The following EYA4 variants were observed in gnomAD, a reference collection of about 807,000 sequenced individuals.
EYA4 encodes protein phosphatase EYA4.
A neutral mutation model predicts 87.9 loss-of-function variants in EYA4; 31 were observed. The ratio of observed to expected loss-of-function variants is 0.35; its 90% CI spans 0.27 to 0.48. EYA4 has a LOEUF of 0.48. Ranked by LOEUF, EYA4 falls within the 20% of genes least tolerant of loss-of-function variation. The pLI is 0.99. For synonymous variants in EYA4, 263 were observed against 270.6 expected, an observed-to-expected ratio of 0.97 and a Z score of 0.28; for missense variants, 678 against 761.4, an observed-to-expected ratio of 0.89 and a Z score of 1.29.
At chr6:133,375,681 A>G (rs1170246162) in intron 2 of EYA4, among the ~76,000 whole-genome samples, 3 of 151,936 alleles carry the variant, frequency 2.0e-5, no homozygotes, top group Admixed American at 6.6e-5. Context: ...ATTGAGATGC[A>G]TTAAATAAGA....
chr6:133,431,948 GA>G (rs746028474), intron 3 of EYA4, among the ~76,000 whole-genome samples: 1 of 51,592 alleles, frequency 1.9e-5, no homozygotes, highest in Non-Finnish European at 3.9e-5. Flanking sequence ...CCATTTTCTT[GA>G]TTTTTTTTTT....
chr6:133,280,930 T>A (rs141827068), intron 2 of EYA4, among the ~76,000 whole-genome samples: 26 of 152,266 alleles, frequency 1.7e-4, no homozygotes, highest in African/African-American at 6.3e-4. Context: ...CTCTATGGAT[T>A]TGCCTATTCT....
At chr6:133,400,208 C>A (rs982856937) in intron 3 of EYA4, among the ~76,000 whole-genome samples, 1 of 152,086 alleles carries the variant, frequency 6.6e-6, no homozygotes, top group East Asian at 1.9e-4. Flanking sequence ...GATACAGATG[C>A]GAGTTAGAAA....
At chr6:133,378,191 A>G (rs1785869094) in intron 2 of EYA4, among the ~76,000 whole-genome samples, 1 of 152,136 alleles carries the variant, frequency 6.6e-6, no homozygotes, top group African/African-American at 2.4e-5. Flanking sequence ...CAACTGGCAA[A>G]TGTAGCATAG....
intron 1 of EYA4, among the ~76,000 whole-genome samples, chr6:133,257,906 C>T (rs1011586316): frequency 1.3e-5 from 2 of 152,156 alleles, no homozygotes; most frequent in African/African-American, 4.8e-5. Context: ...TGCACTCATT[C>T]ACTCATTCAT....
chr6:133,241,030 G>A (rs935394594), upstream of EYA4, among the ~76,000 whole-genome samples: 34 of 152,014 alleles, frequency 2.2e-4, no homozygotes, highest in African/African-American at 7.7e-4. Flanking sequence ...CGCTCGAGTC[G>A]GCCCGGGTGG....
intron 6 of EYA4, among the ~76,000 whole-genome samples, chr6:133,459,314 T>C (rs1299751350): frequency 6.6e-6 from 1 of 152,136 alleles, no homozygotes; most frequent in Non-Finnish European, 1.5e-5. Flanking sequence ...TGTTTAGATT[T>C]ATCATTAGAA....
chr6:133,406,077 A>G (rs1788681908), intron 3 of EYA4, among the ~76,000 whole-genome samples: 1 of 152,152 alleles, frequency 6.6e-6, no homozygotes, highest in African/African-American at 2.4e-5. Context: ...ACATTGTATC[A>G]GATTACTTTA....
chr6:133,497,728 A>T (rs888823211), intron 13 of EYA4, among the ~76,000 whole-genome samples: 7 of 152,156 alleles, frequency 4.6e-5, no homozygotes, highest in Non-Finnish European at 7.3e-5. Flanking sequence ...GGGAGGGTGA[A>T]GAAAGCTATA....
At position 133,462,763 on chromosome 6, in the gene EYA4, A is replaced by G. The variant is rs556550485; in HGVS notation, c.723A>G (p.Pro241=). The G allele has an allele frequency of 1.4e-5, 22 of 1,613,614 alleles. No homozygotes were observed. The Middle Eastern group carries it at 1.3e-3, about 97-fold the overall frequency. The change falls in exon 9 of 20, where the codon CCA becomes CCG. Residue 241 remains proline, a splice_region_variant and synonymous_variant. Coordinates refer to ENST00000355286, the MANE Select transcript of EYA4 (RefSeq NM_004100.5). The part of the protein sequence containing the change: ...PGQTPYSYQM[P]GSSFAPSSTI... ...AGACACCTTATTCTTACCAAATGCC[A>G]GGTAAGTAGCTACACATGAAACATG...
chr6:133,461,037 C>A (rs1266131532), intron 6 of EYA4, 77 bp from the exon 7 acceptor site: 1 of 958,874 alleles, frequency 1.0e-6, no homozygotes, highest in East Asian at 2.4e-5. Context: ...GTAATTTCTT[C>A]AAATTGGTTA....
chr6:133,307,026 T>A (rs1259879649), intron 2 of EYA4, among the ~76,000 whole-genome samples: 1 of 152,212 alleles, frequency 6.6e-6, no homozygotes, highest in African/African-American at 2.4e-5. Context: ...GTTTAAATTA[T>A]CTTCTGTCAT....
intron 1 of EYA4, among the ~76,000 whole-genome samples, chr6:133,272,200 G>C (rs1481633856): frequency 6.6e-6 from 1 of 152,176 alleles, no homozygotes; most frequent in Non-Finnish European, 1.5e-5. Flanking sequence ...CTTTAGAGGG[G>C]TGCCTCCATA....
intron 14 of EYA4, chr6:133,510,356 C>G (rs183880001): frequency 9.9e-4 from 194 of 195,480 alleles, no homozygotes; most frequent in Non-Finnish European, 1.9e-3. Flanking sequence ...TGGGCAACTT[C>G]ATGTGACACC....
intron 1 of EYA4, among the ~76,000 whole-genome samples, chr6:133,259,690 A>G (rs997997563): frequency 1.3e-5 from 2 of 152,200 alleles, no homozygotes; most frequent in Non-Finnish European, 1.5e-5. Flanking sequence ...ACACAATTCA[A>G]ATCAGTAACT....
chr6:133,369,489 A>G (rs1785104570), intron 2 of EYA4, among the ~76,000 whole-genome samples: 1 of 151,008 alleles, frequency 6.6e-6, no homozygotes, highest in African/African-American at 2.4e-5. Flanking sequence ...ATACAAAATA[A>G]ATTAAATAAA....
chr6:133,505,701 C>A (rs985207307), intron 13 of EYA4, among the ~76,000 whole-genome samples: 1 of 152,116 alleles, frequency 6.6e-6, no homozygotes, highest in African/African-American at 2.4e-5. Flanking sequence ...TATTATTTGT[C>A]ATTATTCTTA....
At chr6:133,456,754 C>G in intron 6 of EYA4, 106 bp downstream of exon 6, 1 of 727,350 alleles carries the variant, frequency 1.4e-6, no homozygotes, top group Non-Finnish European at 2.4e-6. Flanking sequence ...AACTTTGATC[C>G]TTATAAAGTT....
intron 5 of EYA4, among the ~76,000 whole-genome samples, chr6:133,450,496 CA>C (rs1305491876): frequency 8.5e-5 from 13 of 152,144 alleles, no homozygotes; most frequent in Admixed American, 7.2e-4. Context: ...TCGAGATGTT[CA>C]AAAAGATTCT....
Sources: gnomAD v4.1 joint callset for allele counts (sites outside exome capture counted in the v4.1 genomes callset) on GRCh38, gnomAD v4.1.1 for gene constraint, MANE v1.5 for transcripts, NCBI Gene and HGNC (gene_info 2026-07-23, HGNC 2026-07-21) for gene names.